The following SEMA4F variants were observed in gnomAD, a reference collection of about 807,000 sequenced individuals.
The protein encoded by SEMA4F is semaphorin-4F.
SEMA4F carries 51 observed loss-of-function variants against 78.4 expected under a neutral mutation model. The observed-to-expected ratio is 0.65, with a 90% CI of 0.52 to 0.82. The LOEUF (loss-of-function observed/expected upper bound fraction) is 0.82. Among genes scored for constraint, SEMA4F ranks in the 40% least tolerant of loss-of-function variants. The pLI, the probability that SEMA4F is intolerant of heterozygous loss-of-function variation, is 0.00. For synonymous variants in SEMA4F, 418 were observed against 408.7 expected (o/e 1.02, Z -0.27); for missense variants, 938 against 1,014.4 (o/e 0.92, Z 1.02).
chr2:74,697,616 G>A, the SEMA4F span, among the ~76,000 whole-genome samples: 3 of 152,180 alleles, frequency 2.0e-5, no homozygotes, highest in Non-Finnish European at 4.4e-5. Context: ...ACACTTTGAG[G>A]TGGGGTTGCC....
In SEMA4F at chr2:74,675,761, G is replaced by C; in HGVS notation, c.1495G>C (p.Val499Leu). 1.2e-6 allele frequency: 2 copies of C among 1,614,098 alleles called. No homozygotes were observed. Among genetic ancestry groups the C allele is most frequent in the Middle Eastern group, 1.6e-4 (1 of 6,062 alleles). ...NMKLYHSWLL[V>L]GSRTEVTQVN... ...TCCGTTTTTATAGAGCTGGCTCCTG[G>C]TTGGCTCCCGTACTGAGGTGACACA... is the stretch of plus-strand genomic sequence containing the variant. Residue 499 changes from valine (V) to leucine (L), a missense_variant, in exon 12 of 14, where the codon GTT (valine) becomes CTT (leucine). Physicochemically the swap from Val to Leu is conservative, Grantham distance 32. Coordinates refer to ENST00000357877, the MANE Select transcript of SEMA4F (RefSeq NM_004263.5).
Position 74,654,535 on chromosome 2 carries a change from G to T in SEMA4F, c.145+14G>T, listed in dbSNP as rs58589093. On this transcript the variant is annotated intron_variant, in intron 1 of 13. Transcript: ENST00000357877. ...TTCCAATCTCTGGTAAGGCGCGGAC[G>T]CCCACGCCCTCAGCCCTTCGCGCCC... 7,284 of 1,539,204 alleles carry T rather than the reference G, an allele frequency of 4.7e-3. 301 individuals carry two copies. In the African/African-American group the frequency reaches 0.091, roughly 19 times the overall value.
chr2:74,690,000 G>A, the SEMA4F span, among the ~76,000 whole-genome samples: 2 of 152,266 alleles, frequency 1.3e-5, no homozygotes, highest in South Asian at 2.1e-4. Context: ...CCCTCCTTCC[G>A]GATGAGAGTT....
the SEMA4F span, among the ~76,000 whole-genome samples, chr2:74,693,196 A>T: frequency 6.6e-6 from 1 of 152,260 alleles, no homozygotes; most frequent in Non-Finnish European, 1.5e-5. Flanking sequence ...ATAAAATGTT[A>T]TTCTATATCA....
the SEMA4F span, among the ~76,000 whole-genome samples, chr2:74,698,962 T>A: frequency 2.6e-5 from 4 of 152,134 alleles, no homozygotes; most frequent in Non-Finnish European, 5.9e-5. Context: ...TCCTGAAGTT[T>A]GAGGGAATTT....
chr2:74,675,208 C>T lies in SEMA4F; in HGVS notation c.1196C>T (p.Ser399Phe), dbSNP rs760693620. ...MKLRHFGSSL[S>F]LPDRVLTFIR... ...CTCCGGCACTTTGGCTCATCTCTCTCCCTGCCTGACCGCGTACTCACCTTC... is the reference window on the plus strand; with the variant it reads ...CTCCGGCACTTTGGCTCATCTCTCTTCCTGCCTGACCGCGTACTCACCTTC... Residue 399 changes from serine to phenylalanine, a missense_variant, in exon 10 of 14, where the codon TCC becomes TTC. Coordinates refer to ENST00000357877, the MANE Select transcript of SEMA4F (RefSeq NM_004263.5). 2 of 1,614,178 alleles carry T rather than the reference C, an allele frequency of 1.2e-6. No homozygotes were observed. Among genetic ancestry groups the T allele is most frequent in the Admixed American group, 3.3e-5 (2 of 60,024 alleles).
chr2:74,676,068 C>T (rs1685266770), intron 12 of SEMA4F, among the ~76,000 whole-genome samples, 159 bp downstream of exon 12: 1 of 152,232 alleles, frequency 6.6e-6, no homozygotes, highest in South Asian at 2.1e-4. Flanking sequence ...TCAGTCCATA[C>T]TAGCTCATCT....
intron 12 of SEMA4F, among the ~76,000 whole-genome samples, chr2:74,676,272 G>A (rs937267921): frequency 6.6e-6 from 1 of 152,070 alleles, no homozygotes; most frequent in Non-Finnish European, 1.5e-5. Context: ...GCATTCTTTG[G>A]TCTCCTTTAC....
In SEMA4F at chr2:74,681,474, C is replaced by T. The variant is rs1685612772; in HGVS notation, c.*1265C>T. On this transcript the variant is annotated 3_prime_UTR_variant, in exon 14 of 14. Coordinates refer to ENST00000357877, the MANE Select transcript of SEMA4F (RefSeq NM_004263.5). ...CTCCCTGGACTTGCCCTGCCTGGAA[C>T]AGGGTGATTTGCTGGAATGGAGTTA... The T allele has an allele frequency of 6.5e-6, 1 of 152,680 alleles. No individual in the cohort carries two copies. The highest frequency in any genetic ancestry group is 2.1e-4 in the South Asian group (1 of 4,826). 9.5% of individuals were successfully genotyped at this position (152,680 alleles called of 1,614,324 possible). A position where few individuals can be genotyped will look rare whatever the true frequency, so the allele number is the denominator to read the frequency against.
the SEMA4F span, among the ~76,000 whole-genome samples, chr2:74,695,929 G>A: frequency 6.6e-6 from 1 of 152,114 alleles, no homozygotes; most frequent in Admixed American, 6.5e-5. Context: ...ATTTATAGAA[G>A]AGCAAGGCTG....
At chr2:74,694,059 A>C in the SEMA4F span, among the ~76,000 whole-genome samples, 1 of 152,324 alleles carries the variant, frequency 6.6e-6, no homozygotes, top group Middle Eastern at 3.4e-3. Context: ...ACTCAGGTAA[A>C]CAGAGTTTAG....
chr2:74,700,329 G>A, the SEMA4F span, among the ~76,000 whole-genome samples: 1 of 152,076 alleles, frequency 6.6e-6, no homozygotes, highest in Admixed American at 6.5e-5. Flanking sequence ...GGTAGAGTAA[G>A]GGTCTGAGAA....
chr2:74,679,950 A>C lies in SEMA4F; in HGVS notation c.2054A>C (p.Gln685Pro), dbSNP rs1685508519. The change falls in exon 14 of 14, where the codon CAG (glutamine) becomes CCG (proline). Residue 685 changes from glutamine to proline, a missense_variant. By Grantham distance (76) the Gln-to-Pro change is moderately conservative. Transcript: ENST00000357877. Reference protein sequence around the residue: ...LTLILIGRRQQRRRQRELLAR... With the variant: ...LTLILIGRRQPRRRQRELLAR... ...CTCATTCTGATTGGTCGGCGTCAGCAGCGACGGCGACAGAGGGAACTTCTG... is the reference window on the plus strand; with the variant it reads ...CTCATTCTGATTGGTCGGCGTCAGCCGCGACGGCGACAGAGGGAACTTCTG... 6.2e-7 allele frequency: 1 copy of C among 1,614,254 alleles called. No individual in the cohort carries two copies. The highest frequency in any genetic ancestry group is 1.3e-5 in the African/African-American group (1 of 75,068).
chr2:74,666,457 A>T (rs1684702677), intron 5 of SEMA4F, among the ~76,000 whole-genome samples: 1 of 152,018 alleles, frequency 6.6e-6, no homozygotes, highest in Non-Finnish European at 1.5e-5. Flanking sequence ...TTCAGTTGAT[A>T]ATTGATGGAG....
the SEMA4F span, among the ~76,000 whole-genome samples, chr2:74,693,493 G>C: frequency 6.6e-6 from 1 of 152,160 alleles, no homozygotes; most frequent in East Asian, 1.9e-4. Context: ...ACACTAACAG[G>C]GTTTTATATT....
At chr2:74,667,039 T>C (rs977126659) in intron 5 of SEMA4F, among the ~76,000 whole-genome samples, 3 of 152,312 alleles carry the variant, frequency 2.0e-5, no homozygotes, top group Middle Eastern at 3.4e-3. Flanking sequence ...TGCGTATTTA[T>C]TATAACTTGG....
chr2:74,656,411 C>T (rs1684137998), intron 1 of SEMA4F, 123 bp from the exon 2 acceptor site: 4 of 870,300 alleles, frequency 4.6e-6, no homozygotes, highest in Non-Finnish European at 7.2e-6. Context: ...CTGTGTTTCT[C>T]CCCCATGGCT....
At chr2:74,693,489 A>G in the SEMA4F span, among the ~76,000 whole-genome samples, 2 of 152,194 alleles carry the variant, frequency 1.3e-5, no homozygotes, top group Non-Finnish European at 2.9e-5. Context: ...TCTAACACTA[A>G]CAGGGTTTTA....
intron 5 of SEMA4F, among the ~76,000 whole-genome samples, chr2:74,663,712 T>C (rs1415910959): frequency 6.6e-6 from 1 of 152,158 alleles, no homozygotes; most frequent in Non-Finnish European, 1.5e-5. Context: ...GCTCACTCAT[T>C]ACTGCCAGGA....
Sources: gnomAD v4.1 joint callset for allele counts (sites outside exome capture counted in the v4.1 genomes callset) on GRCh38, gnomAD v4.1.1 for gene constraint, MANE v1.5 for transcripts, NCBI Gene and HGNC (gene_info 2026-07-23, HGNC 2026-07-21) for gene names.